Variants in CLNS1A observed in about 807,000 individuals in gnomAD.
CLNS1A encodes chloride nucleotide-sensitive channel 1A.
CLNS1A carries 16 observed loss-of-function variants against 29.4 expected under a neutral mutation model. The observed-to-expected ratio is 0.54, with a 90% CI of 0.37 to 0.83. The LOEUF is 0.83. Ranked by LOEUF, CLNS1A falls within the 40% of genes least tolerant of loss-of-function variation. The probability of loss-of-function intolerance (pLI) is 0.00; values close to 1 mark genes in which losing one functional copy is unlikely to be tolerated. For synonymous variants in CLNS1A, 96 were observed against 104.8 expected, an observed-to-expected ratio of 0.92 and a Z score of 0.51; for missense variants, 235 against 287.4, an observed-to-expected ratio of 0.82 and a Z score of 1.32.
Position 77,635,512 on chromosome 11 carries a change from C to T in CLNS1A, c.125+2078G>A, listed in dbSNP as rs145244369. ...GATTACAGGTGCACGCCACCACACC[C>T]GGATAATTTTTGTATTTTAGTAGAG... is the stretch of plus-strand genomic sequence containing the variant. On this transcript the variant is annotated intron_variant, in intron 1 of 6. Coordinates refer to ENST00000525428, the MANE Select transcript of CLNS1A (RefSeq NM_001293.3). 8.7e-3 allele frequency among the ~76,000 whole-genome samples: 1,324 copies of T among 151,974 alleles called. 18 individuals are homozygous for T. Among genetic ancestry groups the T allele is most frequent in the African/African-American group, 0.028 (1,155 of 41,418 alleles).
chr11:77,631,031 A>G (rs1004013526), intron 1 of CLNS1A, among the ~76,000 whole-genome samples: 2 of 152,202 alleles, frequency 1.3e-5, no homozygotes, highest in Non-Finnish European at 2.9e-5. Flanking sequence ...TCTATATTCT[A>G]TACAATTTTA....
At chr11:77,625,114 AAAGT>A in intron 3 of CLNS1A, 44 bp from the exon 4 acceptor site, 1 of 1,393,724 alleles carries the variant, frequency 7.2e-7, no homozygotes, top group Non-Finnish European at 1.0e-6. Flanking sequence ...TTTTGTAATA[AAAGT>A]AACCATCAGT....
intron 5 of CLNS1A, among the ~76,000 whole-genome samples, chr11:77,621,257 T>C (rs534879661): frequency 6.6e-6 from 1 of 151,400 alleles, no homozygotes. Context: ...CACGTTATTG[T>C]ACTCCGGCCT....
At chr11:77,627,133 A>C (rs564867181) in intron 2 of CLNS1A, among the ~76,000 whole-genome samples, 1 of 151,880 alleles carries the variant, frequency 6.6e-6, no homozygotes, top group African/African-American at 2.4e-5. Flanking sequence ...AGAGGAGTTT[A>C]AGATAAAAAG....
At chr11:77,632,145 G>A (rs1959081038) in intron 1 of CLNS1A, among the ~76,000 whole-genome samples, 2 of 152,168 alleles carry the variant, frequency 1.3e-5, no homozygotes, top group Non-Finnish European at 2.9e-5. Flanking sequence ...ATGTAATGAG[G>A]TTATGTGCTG....
chr11:77,637,256 A>AAAAAAAAAAAAAG (rs1235000324), intron 1 of CLNS1A, among the ~76,000 whole-genome samples: 1 of 144,370 alleles, frequency 6.9e-6, no homozygotes, highest in African/African-American at 2.6e-5. Context: ...AAAAAAAAAA[A>AAAAAAAAAAAAAG]AAAGAAAATA....
rs1395062757 is a variant in CLNS1A at position 77,616,704 on chromosome 11, C to T, written c.*23-9G>A. ...ACACTTAGGAGCAGAATCTGAAAAACAAAAGGTTTACAGTGTTTACAGTAG... is the reference window on the plus strand; with the variant it reads ...ACACTTAGGAGCAGAATCTGAAAAATAAAAGGTTTACAGTGTTTACAGTAG... On this transcript the variant is annotated splice_polypyrimidine_tract_variant and intron_variant, in intron 6 of 6. Transcript: ENST00000525428. The T allele has an allele frequency of 6.6e-6, 1 of 152,432 alleles. No homozygotes were observed. Among genetic ancestry groups the T allele is most frequent in the Non-Finnish European group, 1.5e-5 (1 of 68,034 alleles). The allele number at this position is 152,432 out of a possible 1,614,324, so 9.4% of individuals were successfully genotyped here.
intron 4 of CLNS1A, among the ~76,000 whole-genome samples, chr11:77,622,977 G>T (rs1044720203): frequency 1.3e-5 from 2 of 149,564 alleles, no homozygotes; most frequent in Non-Finnish European, 3.0e-5. Flanking sequence ...AGAATCTGCT[G>T]AAGATAATAT....
rs897750355 is a variant in CLNS1A, at chr11:77,616,561, A to C, written c.*157T>G. The stretch of plus-strand genomic sequence containing the variant: ...TATTATCTATCTTCTGCTGGTGACA[A>C]CTTGTTGTCTCAGTATAGTCTGTCT... On this transcript the variant is annotated 3_prime_UTR_variant, in exon 7 of 7. Coordinates refer to ENST00000525428, the MANE Select transcript of CLNS1A (RefSeq NM_001293.3). 9.8e-5 allele frequency: 15 copies of C among 152,608 alleles called. No individual in the cohort carries two copies. The highest frequency in any genetic ancestry group is 3.6e-4 in the African/African-American group (15 of 41,426). 9.5% of individuals were successfully genotyped at this position (152,608 alleles called of 1,614,324 possible). A position where few individuals can be genotyped will look rare whatever the true frequency, so the allele number is the denominator to read the frequency against.
rs1440826176 is a variant in CLNS1A at position 77,614,721 on chromosome 11, A to C, written c.*1997T>G. On this transcript the variant is annotated 3_prime_UTR_variant, in exon 7 of 7. Coordinates refer to ENST00000525428, the MANE Select transcript of CLNS1A (RefSeq NM_001293.3). ...AGAACCATTAACCCTAGCTTTTAGG[A>C]ACATTTAGATGACTTACATTTTGGA... is the stretch of plus-strand genomic sequence containing the variant. 6.6e-6 allele frequency: 1 copy of C among 152,222 alleles called. No homozygotes were observed. The highest frequency in any genetic ancestry group is 1.9e-4 in the East Asian group (1 of 5,202). The allele number at this position is 152,222 out of a possible 1,614,324, so 9.4% of individuals were successfully genotyped here. A position where few individuals can be genotyped will look rare whatever the true frequency, so the allele number is the denominator to read the frequency against.
chr11:77,622,986 A>G (rs1482470413), intron 4 of CLNS1A, among the ~76,000 whole-genome samples: 1 of 151,834 alleles, frequency 6.6e-6, no homozygotes, highest in Admixed American at 6.6e-5. Flanking sequence ...TGAAGATAAT[A>G]TACTGTCCAA....
chr11:77,621,294 A>AACACAC (rs71854653), intron 5 of CLNS1A, among the ~76,000 whole-genome samples: 2 of 149,436 alleles, frequency 1.3e-5, no homozygotes, highest in Admixed American at 6.7e-5. Flanking sequence ...CTCTGTCTCA[A>AACACAC]ACACACACAC....
chr11:77,635,576 C>A (rs1037360234), intron 1 of CLNS1A, among the ~76,000 whole-genome samples: 9 of 152,094 alleles, frequency 5.9e-5, no homozygotes, highest in African/African-American at 1.9e-4. Context: ...GTCTTGAACT[C>A]CTGTCATCAG....
chr11:77,631,625 T>C lies in CLNS1A; in HGVS notation c.126-1726A>G, dbSNP rs112728557. Among the ~76,000 whole-genome samples, 1,320 of 151,874 alleles carry C rather than the reference T, an allele frequency of 8.7e-3. 18 individuals are homozygous for C. The highest frequency in any genetic ancestry group is 0.028 in the African/African-American group (1,169 of 41,406). On this transcript the variant is annotated intron_variant, in intron 1 of 6. Transcript: ENST00000525428. ...AGCCACCACACCCTGCCCCTAATTG[T>C]ATACTTTCAAAAGGCAAAAGTAAGA... is the stretch of plus-strand genomic sequence containing the variant.
chr11:77,622,328 A>G, intron 5 of CLNS1A, 172 bp downstream of exon 5: 1 of 624,978 alleles, frequency 1.6e-6, no homozygotes, highest in Non-Finnish European at 2.6e-6. Flanking sequence ...AGGAAAAAAA[A>G]TCACTAAAAA....
In CLNS1A at chr11:77,623,079, G is replaced by A. The variant is rs73504712; in HGVS notation, c.473-406C>T. On this transcript the variant is annotated intron_variant, in intron 4 of 6. Transcript: ENST00000525428. Reference sequence around the variant, plus strand: ...CTGAAGACAGAAATACAAAGAAGATGTACCTACTCTCTAGGGTTATTAAAA... The same window carrying A: ...CTGAAGACAGAAATACAAAGAAGATATACCTACTCTCTAGGGTTATTAAAA... Among the ~76,000 whole-genome samples the A allele has an allele frequency of 5.6e-3, 844 of 151,756 alleles. 8 individuals are homozygous for A. The highest frequency in any genetic ancestry group is 0.02 in the African/African-American group (808 of 41,384).
chr11:77,632,659 T>C (rs556077099), intron 1 of CLNS1A, among the ~76,000 whole-genome samples: 224 of 152,244 alleles, frequency 1.5e-3, no homozygotes, highest in Non-Finnish European at 2.4e-3. Flanking sequence ...AAACCCTAGG[T>C]TTCTGTATTT....
intron 5 of CLNS1A, 30 bp from the exon 6 acceptor site, chr11:77,619,725 C>A (rs1466691263): frequency 1.4e-6 from 2 of 1,447,902 alleles, no homozygotes; most frequent in South Asian, 2.3e-5. Flanking sequence ...ACTGAGCAAT[C>A]CCTATGAACA....
At chr11:77,634,820 G>C (rs961821828) in intron 1 of CLNS1A, among the ~76,000 whole-genome samples, 1 of 151,906 alleles carries the variant, frequency 6.6e-6, no homozygotes, top group Non-Finnish European at 1.5e-5. Flanking sequence ...TCAGAGACAA[G>C]GTTTCACTCT....
Sources: gnomAD v4.1 joint callset for allele counts (sites outside exome capture counted in the v4.1 genomes callset) on GRCh38, gnomAD v4.1.1 for gene constraint, MANE v1.5 for transcripts, NCBI Gene and HGNC (gene_info 2026-07-23, HGNC 2026-07-21) for gene names.